Variants in SMYD3 observed in about 807,000 individuals in gnomAD.
SMYD3 encodes SET and MYND domain containing 3, also known as histone-lysine N-methyltransferase SMYD3.
A neutral mutation model predicts 57.7 loss-of-function variants in SMYD3; 36 were observed. That is an observed-to-expected ratio of 0.62 (90% confidence interval 0.48 to 0.82). The LOEUF is 0.82. Ranked by LOEUF, SMYD3 falls within the 40% of genes least tolerant of loss-of-function variation. The pLI, the probability that SMYD3 is intolerant of heterozygous loss-of-function variation, is 0.00. For synonymous variants in SMYD3, 211 were observed against 195.0 expected, an observed-to-expected ratio of 1.08 and a Z score of -0.68; for missense variants, 515 against 538.8, an observed-to-expected ratio of 0.96 and a Z score of 0.44.
intron 8 of SMYD3, among the ~76,000 whole-genome samples, chr1:245,906,118 G>T (rs1013742554): frequency 6.6e-6 from 1 of 152,100 alleles, no homozygotes; most frequent in Non-Finnish European, 1.5e-5. Flanking sequence ...ATAAACACAG[G>T]CAACCAAAGA....
At chr1:246,445,375 C>T (rs1002803675) in intron 1 of SMYD3, among the ~76,000 whole-genome samples, 1 of 152,148 alleles carries the variant, frequency 6.6e-6, no homozygotes, top group Non-Finnish European at 1.5e-5. Context: ...AAAATGGAGA[C>T]ATATTTTCAA....
intron 5 of SMYD3, among the ~76,000 whole-genome samples, chr1:246,247,517 T>C (rs890368265): frequency 9.4e-5 from 14 of 149,564 alleles, no homozygotes; most frequent in East Asian, 2.0e-4. Flanking sequence ...TATATATATA[T>C]ACACACGAGT....
At chr1:246,063,657 CTCT>C (rs2060292579) in intron 5 of SMYD3, among the ~76,000 whole-genome samples, 1 of 144,886 alleles carries the variant, frequency 6.9e-6, no homozygotes, top group Non-Finnish European at 1.5e-5. Flanking sequence ...CTCTCTCTCT[CTCT>C]TAACAGTCTT....
chr1:246,257,644 G>A (rs967186033), intron 5 of SMYD3, among the ~76,000 whole-genome samples: 1 of 152,142 alleles, frequency 6.6e-6, no homozygotes, highest in African/African-American at 2.4e-5. Context: ...CACATTTGAG[G>A]TTTTGACCCT....
intron 5 of SMYD3, among the ~76,000 whole-genome samples, chr1:246,004,064 C>G (rs568113771): frequency 1.8e-5 from 1 of 57,020 alleles, no homozygotes; most frequent in East Asian, 2.3e-4. Flanking sequence ...CCTTCTCAAG[C>G]CTGTCTCCTA....
chr1:246,459,074 T>C lies in SMYD3; in HGVS notation c.164+47980A>G, dbSNP rs115004692. Among the ~76,000 whole-genome samples the C allele has an allele frequency of 4.7e-3, 715 of 152,206 alleles. 9 individuals carry two copies. Among genetic ancestry groups the C allele is most frequent in the African/African-American group, 0.017 (689 of 41,524 alleles). On this transcript the variant is annotated intron_variant, in intron 1 of 11. Coordinates refer to ENST00000490107, the MANE Select transcript of SMYD3 (RefSeq NM_001167740.2). ...GCCTGATGGGGGGGTGACTGAATCATGGGGGCAGACTTCCCCGTGCTGTTC... is the reference window on the plus strand; with the variant it reads ...GCCTGATGGGGGGGTGACTGAATCACGGGGGCAGACTTCCCCGTGCTGTTC...
intron 5 of SMYD3, among the ~76,000 whole-genome samples, chr1:246,198,482 C>T (rs558118675): frequency 2.0e-5 from 3 of 152,290 alleles, no homozygotes; most frequent in South Asian, 2.1e-4. Context: ...TATCTGAAGA[C>T]ACATTCAATA....
At chr1:246,352,454 G>A (rs1325640376) in intron 2 of SMYD3, among the ~76,000 whole-genome samples, 1 of 152,090 alleles carries the variant, frequency 6.6e-6, no homozygotes, top group Non-Finnish European at 1.5e-5. Flanking sequence ...TAGTTTTGTG[G>A]GTATCCACAA....
chr1:246,449,907 C>T (rs2067606327), intron 1 of SMYD3, among the ~76,000 whole-genome samples: 1 of 152,180 alleles, frequency 6.6e-6, no homozygotes, highest in African/African-American at 2.4e-5. Flanking sequence ...AAGTCCCTCA[C>T]TTTAGAAACT....
chr1:246,280,178 T>C (rs2064413910), intron 5 of SMYD3, among the ~76,000 whole-genome samples: 1 of 152,218 alleles, frequency 6.6e-6, no homozygotes, highest in African/African-American at 2.4e-5. Context: ...CAGTTTCTTA[T>C]AACTGTAACT....
intron 5 of SMYD3, among the ~76,000 whole-genome samples, chr1:245,932,402 C>T (rs547520689): frequency 6.6e-6 from 1 of 152,182 alleles, no homozygotes; most frequent in Non-Finnish European, 1.5e-5. Flanking sequence ...TGACTTCCCT[C>T]TTTAGCAGCA....
At chr1:246,341,873 G>T (rs780402463) in intron 2 of SMYD3, among the ~76,000 whole-genome samples, 1 of 152,166 alleles carries the variant, frequency 6.6e-6, no homozygotes, top group Non-Finnish European at 1.5e-5. Context: ...TAGAGTGTAA[G>T]AAGGGTCATC....
chr1:246,114,891 A>G (rs953670711), intron 5 of SMYD3, among the ~76,000 whole-genome samples: 1 of 116,516 alleles, frequency 8.6e-6, no homozygotes, highest in Non-Finnish European at 2.2e-5. Flanking sequence ...CGGCCTCCCA[A>G]AGTACTAGGA....
intron 2 of SMYD3, among the ~76,000 whole-genome samples, chr1:246,345,303 G>T (rs187235030): frequency 2.6e-5 from 4 of 152,040 alleles, no homozygotes; most frequent in Admixed American, 1.3e-4. Context: ...ACAATTTTTT[G>T]AAAAGATCAT....
At chr1:246,361,350 G>A (rs1460907730) in intron 1 of SMYD3, among the ~76,000 whole-genome samples, 1 of 152,172 alleles carries the variant, frequency 6.6e-6, no homozygotes, top group Non-Finnish European at 1.5e-5. Context: ...CTGTTGGTGG[G>A]AATGTAAACC....
chr1:246,469,169 C>G (rs539194094), intron 1 of SMYD3, among the ~76,000 whole-genome samples: 2 of 152,300 alleles, frequency 1.3e-5, no homozygotes, highest in South Asian at 2.1e-4. Flanking sequence ...ACTGGAGAGG[C>G]CTCTCTGCTG....
chr1:245,758,789 T>A (rs1483425046), intron 11 of SMYD3, among the ~76,000 whole-genome samples: 1 of 152,242 alleles, frequency 6.6e-6, no homozygotes. Flanking sequence ...TATTCTAACA[T>A]CTCTGTTATC....
rs78493011 is a variant in SMYD3 at position 245,978,058 on chromosome 1, G to A, written c.532-48121C>T. Among the ~76,000 whole-genome samples, 464 of 152,336 alleles carry A rather than the reference G, an allele frequency of 3.0e-3. 1 individual carries two copies. The highest frequency in any genetic ancestry group is 0.01 in the African/African-American group (416 of 41,576). On this transcript the variant is annotated intron_variant, in intron 5 of 11. Transcript: ENST00000490107. Reference sequence around the variant, plus strand: ...AGCATCCTGGCTCCTGTCAGCTGTCGTTTATCATCACTATACACCAGCACG... The same window carrying A: ...AGCATCCTGGCTCCTGTCAGCTGTCATTTATCATCACTATACACCAGCACG...
intron 9 of SMYD3, among the ~76,000 whole-genome samples, chr1:245,859,027 TTTAAA>T (rs1163274139): frequency 6.6e-6 from 1 of 152,338 alleles, no homozygotes; most frequent in East Asian, 1.9e-4. Context: ...TTAATTCGAT[TTTAAA>T]TTATTTACTC....
Sources: gnomAD v4.1 joint callset for allele counts (sites outside exome capture counted in the v4.1 genomes callset) on GRCh38, gnomAD v4.1.1 for gene constraint, MANE v1.5 for transcripts, NCBI Gene and HGNC (gene_info 2026-07-23, HGNC 2026-07-21) for gene names.